BCL3: variants seen among roughly 807,000 people sequenced by gnomAD.
The protein encoded by BCL3 is B-cell lymphoma 3 protein.
BCL3 carries 15 observed loss-of-function variants against 35.7 expected under a neutral mutation model. The observed-to-expected ratio is 0.42, with a 90% CI of 0.28 to 0.65. The LOEUF is 0.65. Among genes scored for constraint, BCL3 ranks in the 30% least tolerant of loss-of-function variants. BCL3 has a pLI of 0.22. For synonymous variants in BCL3, 311 were observed against 284.3 expected (o/e 1.09, Z -0.95); for missense variants, 565 against 641.7 (o/e 0.88, Z 1.29).
chr19:44,753,220 C>G (rs1967214733), intron 2 of BCL3, among the ~76,000 whole-genome samples: 1 of 152,160 alleles, frequency 6.6e-6, no homozygotes, highest in South Asian at 2.1e-4. Context: ...TTATAAAGAG[C>G]TAATAAAACC....
intron 8 of BCL3, 74 bp from the exon 9 acceptor site, chr19:44,759,354 A>ACCCAGG: frequency 1.0e-6 from 1 of 958,000 alleles, no homozygotes; most frequent in Non-Finnish European, 1.4e-6. Context: ...TCAGACCCAG[A>ACCCAGG]TCTCAGGCCC....
At chr19:44,755,649 C>T (rs1041415704) in intron 2 of BCL3, among the ~76,000 whole-genome samples, 1 of 152,164 alleles carries the variant, frequency 6.6e-6, no homozygotes, top group Non-Finnish European at 1.5e-5. Flanking sequence ...TGGTGGCTCA[C>T]GCCTGTAATC....
chr19:44,750,590 C>T (rs900566137), intron 1 of BCL3, among the ~76,000 whole-genome samples: 3 of 152,194 alleles, frequency 2.0e-5, no homozygotes, highest in Non-Finnish European at 4.4e-5. Flanking sequence ...TGAGCCACAG[C>T]GCCCGGCCTG....
chr19:44,759,148 T>C, intron 8 of BCL3, among the ~76,000 whole-genome samples: 1 of 87,788 alleles, frequency 1.1e-5, no homozygotes, highest in African/African-American at 4.6e-5. Context: ...GGAGTCCAGA[T>C]TTCCAGACCC....
chr19:44,747,784 TTCTC>T, upstream of BCL3: 1 of 1,071,886 alleles, frequency 9.3e-7, no homozygotes, highest in Non-Finnish European at 1.1e-6. Flanking sequence ...CTATCTCTCT[TTCTC>T]TCAAGATCTC....
chr19:44,757,457 A>C lies in BCL3; in HGVS notation c.813+42A>C. On this transcript the variant is annotated intron_variant, in intron 5 of 8. Coordinates refer to ENST00000164227, the MANE Select transcript of BCL3 (RefSeq NM_005178.5). This position sits in a 1 kb window ranked among gnomAD's most constrained non-coding sequence, Gnocchi z 8.4. ...AGCTGGGAGGGAGCGGGGCCTTAGC[A>C]GGGGCGGGGTCTTGGCGGGGGCGGG... 11 of 360,228 alleles carry C rather than the reference A, an allele frequency of 3.1e-5. No individual in the cohort carries two copies. Among genetic ancestry groups the C allele is most frequent in the Non-Finnish European group, 4.7e-5 (11 of 236,080 alleles). The allele number at this position is 360,228 out of a possible 1,614,324, so 22.3% of individuals were successfully genotyped here. A position where few individuals can be genotyped will look rare whatever the true frequency, so the allele number is the denominator to read the frequency against.
At position 44,751,332 on chromosome 19, in the gene BCL3, T is replaced by C. The variant is rs1967176388; in HGVS notation, c.362T>C (p.Leu121Pro). Residue 121 changes from leucine (L) to proline (P), a missense_variant, in exon 2 of 9, where the codon CTT becomes CCT. Physicochemically the swap from Leu to Pro is moderately conservative, Grantham distance 98. Coordinates refer to ENST00000164227, the MANE Select transcript of BCL3 (RefSeq NM_005178.5). ...YPMMCPMEHP[L>P]SADIAMATRA... ...ATGATGTGCCCCATGGAACACCCCC[T>C]TTCTGCTGACATCGCCATGGCCACC... 1 of 1,604,274 alleles carries C rather than the reference T, an allele frequency of 6.2e-7. No homozygotes were observed. The highest frequency in any genetic ancestry group is 1.8e-5 in the Admixed American group (1 of 57,002).
chr19:44,747,753 G>C, upstream of BCL3: 1 of 1,010,040 alleles, frequency 9.9e-7, no homozygotes, highest in East Asian at 5.0e-5. Context: ...GCTGACTCTG[G>C]CCTGGTGTCC....
At chr19:44,759,344 T>TCAGACCCCCAGCCCCCCCTCCCC in intron 8 of BCL3, 84 bp from the exon 9 acceptor site, 1 of 419,994 alleles carries the variant, frequency 2.4e-6, no homozygotes, top group South Asian at 2.4e-5. Flanking sequence ...CCCTCCTCCC[T>TCAGACCCCCAGCCCCCCCTCCCC]CAGACCCAGA....
At chr19:44,752,865 A>T (rs1012897627) in intron 2 of BCL3, among the ~76,000 whole-genome samples, 1 of 152,198 alleles carries the variant, frequency 6.6e-6, no homozygotes, top group Non-Finnish European at 1.5e-5. Flanking sequence ...GACATGATTT[A>T]TACAAAGCAC....
intron 8 of BCL3, 113 bp downstream of exon 8, chr19:44,758,954 C>A: frequency 1.1e-6 from 1 of 924,696 alleles, no homozygotes; most frequent in Non-Finnish European, 1.6e-6. Flanking sequence ...TAGCCTCCTC[C>A]CTCTGACCCA....
At chr19:44,747,707 A>T, upstream of BCL3, 1 of 576,676 alleles carries the variant, frequency 1.7e-6, no homozygotes, top group Non-Finnish European at 2.3e-6. Flanking sequence ...GGGAAGCCAA[A>T]CTGCTCCCCG....
chr19:44,756,867 CCCGGACTCTTGAAT>C (rs1165396490), intron 3 of BCL3, 136 bp from the exon 4 acceptor site: 4 of 729,812 alleles, frequency 5.5e-6, no homozygotes, highest in Non-Finnish European at 4.4e-6. Context: ...GAGCATGGGG[CCCGGACTCTTGAAT>C]CTGAGACAGG....
rs760305515 is a variant in BCL3, at chr19:44,758,237, G to T, written c.892-9G>T. Reference sequence around the variant, plus strand: ...CGCGCCCTCCTGACCCGGCCCTCCCGTCCCGCAGCACGGCGCCAACGTGAA... The same window carrying T: ...CGCGCCCTCCTGACCCGGCCCTCCCTTCCCGCAGCACGGCGCCAACGTGAA... On this transcript the variant is annotated splice_polypyrimidine_tract_variant and intron_variant, in intron 6 of 8. Transcript: ENST00000164227. 1 of 1,473,604 alleles carries T rather than the reference G, an allele frequency of 6.8e-7. No homozygotes were observed. Among genetic ancestry groups the T allele is most frequent in the South Asian group, 1.4e-5 (1 of 72,086 alleles). The allele number at this position is 1,473,604 out of a possible 1,614,324, so 91.3% of individuals were successfully genotyped here.
chr19:44,757,109 T>C lies in BCL3; in HGVS notation c.612T>C (p.His204=). 1 of 1,606,354 alleles carries C rather than the reference T, an allele frequency of 6.2e-7. No individual in the cohort carries two copies. Among genetic ancestry groups the C allele is most frequent in the East Asian group, 2.3e-5 (1 of 44,320 alleles). The stretch of plus-strand genomic sequence containing the variant: ...CCAGCCCCATGGCGCTGGACCGCCA[T>C]GGCCAGACGGCCGCTCACCTGGCGT... ...AGASPMALDR[H]GQTAAHLACE... The change falls in exon 4 of 9, where the codon CAT becomes CAC. Residue 204 remains histidine (H), a synonymous_variant. Coordinates refer to ENST00000164227, the MANE Select transcript of BCL3 (RefSeq NM_005178.5). This position sits in a 1 kb window ranked among gnomAD's most constrained non-coding sequence, Gnocchi z 8.4.
At chr19:44,756,942 G>T in intron 3 of BCL3, 75 bp from the exon 4 acceptor site, 1 of 1,364,270 alleles carries the variant, frequency 7.3e-7, no homozygotes, top group South Asian at 1.4e-5. Context: ...GAGGAATAAG[G>T]GTTCAGAAAA....
chr19:44,757,171 T>A lies in BCL3; in HGVS notation c.674T>A (p.Leu225Gln). ...AGCCCGACCTGCCTGCGAGCCCTGCTGGACAGCGCAGCTCCGGGCACGTTG... is the reference window on the plus strand; with the variant it reads ...AGCCCGACCTGCCTGCGAGCCCTGCAGGACAGCGCAGCTCCGGGCACGTTG... ...HRSPTCLRAL[L>Q]DSAAPGTLDL... The change falls in exon 4 of 9, where the codon CTG becomes CAG. Residue 225 changes from leucine (L) to glutamine (Q), a missense_variant. This residue lies in a region of BCL3 where 103 missense variants were observed against 106.7 expected (regional missense o/e 0.97). Transcript: ENST00000164227. This position sits in a 1 kb window ranked among gnomAD's most constrained non-coding sequence, Gnocchi z 8.4. 6.3e-7 allele frequency: 1 copy of A among 1,582,574 alleles called. No individual in the cohort carries two copies. The highest frequency in any genetic ancestry group is 8.6e-7 in the Non-Finnish European group (1 of 1,164,276).
In BCL3 at chr19:44,757,781, C is replaced by G; in HGVS notation, c.891+58C>G. On this transcript the variant is annotated intron_variant, in intron 6 of 8. Coordinates refer to ENST00000164227, the MANE Select transcript of BCL3 (RefSeq NM_005178.5). This position sits in a 1 kb window ranked among gnomAD's most constrained non-coding sequence, Gnocchi z 8.4. ...CCTATCCTCTGACCCCAACCCGGCTCTGGCCTCAGCCCCTAGCTCTGACCC... is the reference window on the plus strand; with the variant it reads ...CCTATCCTCTGACCCCAACCCGGCTGTGGCCTCAGCCCCTAGCTCTGACCC... 6.5e-7 allele frequency: 1 copy of G among 1,541,064 alleles called. No homozygotes were observed. Among genetic ancestry groups the G allele is most frequent in the East Asian group, 2.3e-5 (1 of 44,212 alleles).
chr19:44,758,509 T>C, intron 7 of BCL3, 96 bp downstream of exon 7: 1 of 1,462,416 alleles, frequency 6.8e-7, no homozygotes. Flanking sequence ...TGAGGGTGTC[T>C]GTGCCGTTGC....
Sources: allele counts gnomAD v4.1 joint callset (sites outside exome capture counted in the v4.1 genomes callset), GRCh38; gene constraint gnomAD v4.1.1; regional missense constraint gnomAD v4.1.1; non-coding constraint Gnocchi (gnomAD v3.1); transcripts MANE v1.5; gene names NCBI Gene and HGNC (gene_info 2026-07-23, HGNC 2026-07-21).